Variants in ADSS1 observed in about 807,000 individuals in gnomAD.
The protein encoded by ADSS1 is adenylosuccinate synthetase isozyme 1.
In ADSS1, 57 loss-of-function variants were observed where a neutral mutation model predicts 59.1. The observed-to-expected ratio is 0.97, with a 90% CI of 0.78 to 1.20. The LOEUF is 1.20. Among genes scored for constraint, ADSS1 ranks in the 50% most tolerant of loss-of-function variants. The pLI is 0.00. For synonymous variants in ADSS1, 247 were observed against 249.4 expected, an observed-to-expected ratio of 0.99 and a Z score of 0.09; for missense variants, 603 against 610.3, an observed-to-expected ratio of 0.99 and a Z score of 0.13.
intron 5 of ADSS1, 73 bp downstream of exon 5, chr14:104,739,889 C>G (rs551294668): frequency 1.5e-5 from 23 of 1,533,470 alleles, no homozygotes; most frequent in Non-Finnish European, 2.1e-5. Context: ...TGGGGCGTGT[C>G]TGGTCCTGGG....
In ADSS1 at chr14:104,724,283, C is replaced by A. The variant is rs572140747; in HGVS notation, c.13C>A (p.Arg5=). The A allele has an allele frequency of 4.9e-6, 6 of 1,230,686 alleles. No individual in the cohort carries two copies. In the African/African-American group the frequency reaches 7.8e-5, roughly 16 times the overall value. The allele number at this position is 1,230,686 out of a possible 1,614,324, so 76.2% of individuals were successfully genotyped here. A position where few individuals can be genotyped will look rare whatever the true frequency, so the allele number is the denominator to read the frequency against. Residue 5 remains arginine, a synonymous_variant, in exon 1 of 13, where the codon CGA becomes AGA. Coordinates refer to ENST00000330877, the MANE Select transcript of ADSS1 (RefSeq NM_152328.5). The stretch of plus-strand genomic sequence containing the variant: ...GAGCCAAGCCAGCATGTCGGGGACC[C>A]GAGCCTCCAACGACCGGCCCCCCGG... MSGT[R]ASNDRPPGAG... is the part of the protein sequence containing the mutation.
chr14:104,735,222 G>A (rs763476936), intron 2 of ADSS1, 100 bp downstream of exon 2: 8 of 1,110,708 alleles, frequency 7.2e-6, no homozygotes, highest in Non-Finnish European at 9.2e-6. Context: ...GCCTGGTGAT[G>A]ACTGCTCTAG....
chr14:104,727,570 G>C (rs1890751717), intron 1 of ADSS1, among the ~76,000 whole-genome samples: 1 of 152,002 alleles, frequency 6.6e-6, no homozygotes, highest in Non-Finnish European at 1.5e-5. Flanking sequence ...CTTCTCTCTG[G>C]GCACGGACAC....
chr14:104,741,802 C>T, intron 8 of ADSS1, 46 bp from the exon 9 acceptor site: 1 of 1,606,018 alleles, frequency 6.2e-7, no homozygotes, highest in Non-Finnish European at 8.5e-7. Context: ...GTGGAATAAT[C>T]TACAGGGGGT....
chr14:104,735,122 G>A lies in ADSS1; in HGVS notation c.295G>A (p.Gly99Ser). Residue 99 changes from glycine (G) to serine (S), a missense_variant and splice_region_variant, in exon 2 of 13, where the codon GGC becomes AGC. Coordinates refer to ENST00000330877, the MANE Select transcript of ADSS1 (RefSeq NM_152328.5). ...IINTKAVSFI[G>S]NGVVIHLPGL... is the part of the protein sequence containing the mutation. ...CAACACCAAGGCCGTGTCCTTCATT[G>A]GTGAGTGCCCTGCCCCGACCTGTGT... 6.2e-7 allele frequency: 1 copy of A among 1,607,348 alleles called. No individual in the cohort carries two copies. Among genetic ancestry groups the A allele is most frequent in the East Asian group, 2.2e-5 (1 of 44,528 alleles).
At chr14:104,733,849 AC>A (rs1442187521) in intron 1 of ADSS1, among the ~76,000 whole-genome samples, 3 of 151,970 alleles carry the variant, frequency 2.0e-5, no homozygotes, top group Non-Finnish European at 4.4e-5. Context: ...GACCCTGCTT[AC>A]CCTCCAGGTG....
chr14:104,730,554 T>A (rs891851350), intron 1 of ADSS1, among the ~76,000 whole-genome samples: 1 of 152,164 alleles, frequency 6.6e-6, no homozygotes, highest in Non-Finnish European at 1.5e-5. Context: ...CCCTGGAGAC[T>A]ATAGATAGAT....
Position 104,747,088 on chromosome 14 carries a change from C to G in ADSS1, c.*85C>G. Reference sequence around the variant, plus strand: ...CAGTCACGTTCCTCGGCCGCCACAACCAACACCAAAGCAGGAAAACCATTT... The same window carrying G: ...CAGTCACGTTCCTCGGCCGCCACAAGCAACACCAAAGCAGGAAAACCATTT... On this transcript the variant is annotated 3_prime_UTR_variant, in exon 13 of 13. Transcript: ENST00000330877. 8.0e-7 allele frequency: 1 copy of G among 1,251,918 alleles called. No individual in the cohort carries two copies. The highest frequency in any genetic ancestry group is 1.1e-6 in the Non-Finnish European group (1 of 894,806). 77.6% of individuals were successfully genotyped at this position (1,251,918 alleles called of 1,614,324 possible). A position where few individuals can be genotyped will look rare whatever the true frequency, so the allele number is the denominator to read the frequency against.
intron 8 of ADSS1, 117 bp from the exon 9 acceptor site, chr14:104,741,731 A>AG: frequency 7.2e-7 from 1 of 1,381,284 alleles, no homozygotes; most frequent in African/African-American, 1.4e-5. Context: ...GACCCCACGG[A>AG]GGGGGCCCCC....
At chr14:104,741,666 A>G (rs1444703013) in intron 8 of ADSS1, among the ~76,000 whole-genome samples, 182 bp from the exon 9 acceptor site, 1 of 152,196 alleles carries the variant, frequency 6.6e-6, no homozygotes, top group Non-Finnish European at 1.5e-5. Context: ...TGTGAGCCAC[A>G]TGGCCCAGCA....
chr14:104,724,978 G>C (rs1890678802), intron 1 of ADSS1, among the ~76,000 whole-genome samples: 1 of 152,194 alleles, frequency 6.6e-6, no homozygotes, highest in African/African-American at 2.4e-5. Context: ...ACCCCGGTGA[G>C]TCAGCCAAGG....
intron 2 of ADSS1, among the ~76,000 whole-genome samples, chr14:104,736,986 A>G (rs1271589876): frequency 6.7e-6 from 1 of 149,960 alleles, no homozygotes; most frequent in African/African-American, 2.5e-5. Flanking sequence ...GCCTCAGGCA[A>G]TCCTCCTGCC....
At chr14:104,739,199 C>T (rs1160021028) in intron 3 of ADSS1, 129 bp from the exon 4 acceptor site, 1 of 904,598 alleles carries the variant, frequency 1.1e-6, no homozygotes, top group East Asian at 2.7e-5. Context: ...CAGAGGTGGC[C>T]CTGTCAGCCT....
chr14:104,739,566 C>T lies in ADSS1; in HGVS notation c.410-184C>T, dbSNP rs142272655. 6.3e-5 allele frequency: 57 copies of T among 899,740 alleles called. No homozygotes were observed. The African/African-American group carries it at 8.6e-4, about 14-fold the overall frequency. 55.7% of individuals were successfully genotyped at this position (899,740 alleles called of 1,614,324 possible). On this transcript the variant is annotated intron_variant, in intron 4 of 12. Transcript: ENST00000330877. ...TGGGAGCTGGGTCAGGGGTCACTAG[C>T]CCATTTGCAGGTGGGGAGACTGAGC... is the stretch of plus-strand genomic sequence containing the variant.
intron 2 of ADSS1, among the ~76,000 whole-genome samples, chr14:104,735,377 C>T (rs1043012922): frequency 8.6e-5 from 13 of 151,048 alleles, no homozygotes; most frequent in African/African-American, 1.9e-4. Context: ...CGCGCAGGAG[C>T]GGGAGTGCCT....
In ADSS1 at chr14:104,744,891, AGGATTCC is replaced by A; in HGVS notation, c.1154_1160del (p.Arg385ThrfsTer67). On this transcript the variant is annotated frameshift_variant, in exon 11 of 13. Coordinates refer to ENST00000330877, the MANE Select transcript of ADSS1 (RefSeq NM_152328.5). LOFTEE classifies it high-confidence loss of function. ...TGTCTCATACAAGCTGAACGGGAAA[AGGATTCC>A]CTATTTCCCAGGTATGTGAAGTGGG... 1 of 1,614,020 alleles carries A rather than the reference AGGATTCC, an allele frequency of 6.2e-7. No homozygotes were observed. Among genetic ancestry groups the A allele is most frequent in the South Asian group, 1.1e-5 (1 of 91,088 alleles).
At chr14:104,726,964 A>AGGCTCT (rs1890733714) in intron 1 of ADSS1, among the ~76,000 whole-genome samples, 1 of 152,054 alleles carries the variant, frequency 6.6e-6, no homozygotes, top group Admixed American at 6.5e-5. Context: ...CTGGACACCC[A>AGGCTCT]GGCTCTGGCT....
chr14:104,733,326 G>A (rs762088388), intron 1 of ADSS1, among the ~76,000 whole-genome samples: 4 of 152,178 alleles, frequency 2.6e-5, no homozygotes, highest in South Asian at 2.1e-4. Context: ...CCTGCCCTGC[G>A]AAGGGGCTTC....
intron 1 of ADSS1, among the ~76,000 whole-genome samples, chr14:104,730,538 T>C (rs1415443173): frequency 1.3e-5 from 2 of 152,190 alleles, no homozygotes; most frequent in African/African-American, 2.4e-5. Flanking sequence ...TATTTTGTTT[T>C]GGCAGCCCTG....
Sources: gnomAD v4.1 joint callset for allele counts (sites outside exome capture counted in the v4.1 genomes callset) on GRCh38, gnomAD v4.1.1 for gene constraint, MANE v1.5 for transcripts, NCBI Gene and HGNC (gene_info 2026-07-23, HGNC 2026-07-21) for gene names.